The following MID1 variants were observed in gnomAD, a reference collection of about 807,000 sequenced individuals.
MID1 encodes midline 1, also known as E3 ubiquitin-protein ligase Midline-1.
A neutral mutation model predicts 40.4 loss-of-function variants in MID1; 7 were observed. The observed-to-expected ratio is 0.17, with a 90% CI of 0.10 to 0.33. MID1 has a LOEUF of 0.33. Ranked by LOEUF, MID1 falls within the 10% of genes least tolerant of loss-of-function variation. The pLI is 1.00. For missense variants in MID1, 367 were observed against 558.5 expected (o/e 0.66, Z 3.46); for synonymous variants, 229 against 221.2 (o/e 1.04, Z -0.31).
chrX:10,692,444 T>G (rs2043137364), intron 1 of MID1, among the ~76,000 whole-genome samples: 1 of 111,204 alleles, frequency 9.0e-6, no homozygotes, highest in African/African-American at 3.3e-5. Context: ...TGAAACCCCA[T>G]CTCTACTAAA....
At chrX:10,609,807 T>C (rs1244925215) in intron 1 of MID1, among the ~76,000 whole-genome samples, 2 of 101,248 alleles carry the variant, frequency 2.0e-5, no homozygotes, top group Non-Finnish European at 3.9e-5. Context: ...AAGCTCCGCC[T>C]CGCGGGTTCA....
intron 3 of MID1, chrX:10,506,357 C>G: frequency 9.1e-7 from 1 of 1,102,164 alleles, no homozygotes; most frequent in Non-Finnish European, 1.2e-6. Context: ...CCAGAAAACA[C>G]CAGTACTGGG....
intron 2 of MID1, among the ~76,000 whole-genome samples, chrX:10,543,252 C>G (rs750304036): frequency 1.3e-4 from 15 of 112,146 alleles, no homozygotes; most frequent in African/African-American, 4.9e-4. Flanking sequence ...TTCTCCTATT[C>G]CTGCTAGAAA....
chrX:10,494,786 AAAAAAAG>A (rs1461616065), intron 4 of MID1, among the ~76,000 whole-genome samples: 4 of 109,141 alleles, frequency 3.7e-5, no homozygotes, highest in African/African-American at 1.3e-4. Context: ...AAAAAAAAAA[AAAAAAAG>A]AAGAAGAAAA....
At chrX:10,726,180 T>A (rs2043389533) in intron 1 of MID1, among the ~76,000 whole-genome samples, 2 of 112,275 alleles carry the variant, frequency 1.8e-5, no homozygotes, top group South Asian at 7.4e-4. Context: ...GATATTTACA[T>A]CAGACCCAGT....
At chrX:10,474,828 G>T (rs1929910071) in intron 5 of MID1, 78 bp from the exon 6 acceptor site, 1 of 1,070,323 alleles carries the variant, frequency 9.3e-7, no homozygotes. Flanking sequence ...AAAAAGAAAA[G>T]GAAAATAAAT....
intron 1 of MID1, among the ~76,000 whole-genome samples, chrX:10,665,621 G>A (rs140776750): frequency 1.2e-4 from 13 of 107,504 alleles, no homozygotes; most frequent in African/African-American, 4.1e-4. Context: ...TTGATCTCCT[G>A]GGCTCAAGCA....
In MID1 at chrX:10,565,807, A is replaced by ATTTT. The variant is rs1172327892; in HGVS notation, c.660+1077_660+1080dup. 7.7e-3 allele frequency among the ~76,000 whole-genome samples: 667 copies of ATTTT among 86,960 alleles called. 14 individuals carry two copies. Among genetic ancestry groups the ATTTT allele is most frequent in the African/African-American group, 0.028 (643 of 22,642 alleles). The allele number at this position is 86,960 out of a possible 115,157, so 75.5% of individuals were successfully genotyped here. On this transcript the variant is annotated intron_variant, in intron 2 of 9. Transcript: ENST00000317552. The stretch of plus-strand genomic sequence containing the variant: ...GCTTTCTATCCATACTTAGAGAGTG[A>ATTTT]TTTTTTTTTTTTTTTTTTTTGAGAG...
chrX:10,633,679 C>T (rs1168441965), intron 1 of MID1, among the ~76,000 whole-genome samples: 1 of 111,259 alleles, frequency 9.0e-6, no homozygotes, highest in Admixed American at 9.6e-5. Flanking sequence ...GTCTCAAACT[C>T]CTGGGCTCAG....
chrX:10,775,358 A>G lies in MID1; in HGVS notation c.-187+58196T>C, dbSNP rs1363620353. On this transcript the variant is annotated intron_variant, in intron 1 of 10. Transcript: ENST00000380785. ...AGGTGGATTGGAAAGAAGGAGGAAGATGGGCCAAGAAACCTCACATTAGAC... is the reference window on the plus strand; with the variant it reads ...AGGTGGATTGGAAAGAAGGAGGAAGGTGGGCCAAGAAACCTCACATTAGAC... Among the ~76,000 whole-genome samples the G allele has an allele frequency of 2.7e-5, 3 of 110,743 alleles. No individual in the cohort carries two copies. The Admixed American group carries it at 2.9e-4, about 11-fold the overall frequency.
intron 1 of MID1, among the ~76,000 whole-genome samples, chrX:10,822,975 T>C (rs776998441): frequency 2.1e-4 from 24 of 111,938 alleles, no homozygotes; most frequent in Non-Finnish European, 3.4e-4. Flanking sequence ...TTACTGGGTA[T>C]ATAACCAAAG....
chrX:10,527,786 C>A, intron 2 of MID1, among the ~76,000 whole-genome samples: 1 of 111,724 alleles, frequency 9.0e-6, no homozygotes, highest in Non-Finnish European at 1.9e-5. Flanking sequence ...TACAAAATCT[C>A]CCACAGGGCG....
intron 3 of MID1, among the ~76,000 whole-genome samples, chrX:10,513,908 T>C (rs1048117536): frequency 1.8e-5 from 2 of 112,088 alleles, no homozygotes; most frequent in Non-Finnish European, 3.8e-5. Flanking sequence ...CGCAAGTAAA[T>C]ATTTCCAGGT....
intron 7 of MID1, chrX:10,460,063 T>G: frequency 2.4e-6 from 1 of 409,037 alleles, no homozygotes; most frequent in Non-Finnish European, 4.3e-6. Flanking sequence ...GTGCAATATA[T>G]TTCCCTGTCA....
chrX:10,483,575 A>C (rs1388415869), intron 4 of MID1, among the ~76,000 whole-genome samples: 1 of 111,940 alleles, frequency 8.9e-6, no homozygotes, highest in Non-Finnish European at 1.9e-5. Context: ...ACTGCCCCCA[A>C]CCACACACCC....
intron 2 of MID1, chrX:10,565,450 C>A (rs1428496447): frequency 1.5e-5 from 5 of 331,343 alleles, no homozygotes; most frequent in South Asian, 1.3e-4. Flanking sequence ...GTAAACACAA[C>A]CACCCATTAG....
chrX:10,790,267 C>T (rs2043919439), intron 1 of MID1, among the ~76,000 whole-genome samples: 1 of 110,271 alleles, frequency 9.1e-6, no homozygotes, highest in Non-Finnish European at 1.9e-5. Flanking sequence ...GACTTAGCCT[C>T]CCAAGTAGCT....
At chrX:10,566,532 C>CCTCTCTCTCTCCCTCTCTCTCTCT (rs1934551088) in intron 2 of MID1, among the ~76,000 whole-genome samples, 30 of 52,862 alleles carry the variant, frequency 5.7e-4, no homozygotes, top group African/African-American at 1.8e-3. Flanking sequence ...CCTCTCTCTC[C>CCTCTCTCTCTCCCTCTCTCTCTCT]CTCTCTCTCT....
At chrX:10,790,363 G>T (rs147497687) in intron 1 of MID1, among the ~76,000 whole-genome samples, 1 of 108,983 alleles carries the variant, frequency 9.2e-6, no homozygotes, top group Non-Finnish European at 1.9e-5. Context: ...TGCCCAGGCC[G>T]TGCTCTGCTT....
Sources: allele counts gnomAD v4.1 joint callset (sites outside exome capture counted in the v4.1 genomes callset), GRCh38; gene constraint gnomAD v4.1.1; transcripts MANE v1.5; gene names NCBI Gene and HGNC (gene_info 2026-07-23, HGNC 2026-07-21).